Variants in MCPH1 observed in about 807,000 individuals in gnomAD.
MCPH1 encodes microcephalin.
Under a neutral mutation model 84.5 loss-of-function variants are expected in MCPH1, and 104 were observed. The ratio of observed to expected loss-of-function variants is 1.23; its 90% CI spans 1.05 to 1.45. The LOEUF (loss-of-function observed/expected upper bound fraction) is 1.45. Ranked by LOEUF, MCPH1 falls within the 40% of genes most tolerant of loss-of-function variation. The pLI is 0.00. For synonymous variants in MCPH1, 514 were observed against 366.8 expected (o/e 1.40, Z -4.58); for missense variants, 1,498 against 1,005.7 (o/e 1.49, Z -6.62).
At chr8:6,438,394 C>A (rs1193712717) in intron 5 of MCPH1, among the ~76,000 whole-genome samples, 2 of 152,044 alleles carry the variant, frequency 1.3e-5, no homozygotes, top group Non-Finnish European at 2.9e-5. Context: ...TATCAAAGTT[C>A]TGAAGGGCTC....
At chr8:6,425,617 C>A (rs958032084) in intron 3 of MCPH1, among the ~76,000 whole-genome samples, 1 of 152,218 alleles carries the variant, frequency 6.6e-6, no homozygotes, top group African/African-American at 2.4e-5. Flanking sequence ...CCCAAAGGAA[C>A]AGAACACATC....
intron 5 of MCPH1, among the ~76,000 whole-genome samples, chr8:6,436,806 A>C (rs919159187): frequency 1.3e-5 from 2 of 151,868 alleles, no homozygotes; most frequent in Non-Finnish European, 2.9e-5. Flanking sequence ...TGTCTCTACT[A>C]AAAATACAAA....
chr8:6,585,325 C>G (rs1248172403), intron 12 of MCPH1, among the ~76,000 whole-genome samples: 3 of 152,204 alleles, frequency 2.0e-5, no homozygotes, highest in Non-Finnish European at 4.4e-5. Flanking sequence ...CAGGAGTTTC[C>G]TGTTTGAATG....
At chr8:6,442,193 G>GT (rs1212299517) in intron 7 of MCPH1, 37 bp downstream of exon 7, 1 of 1,299,480 alleles carries the variant, frequency 7.7e-7, no homozygotes, top group Non-Finnish European at 1.1e-6. Context: ...ATATGTTTAA[G>GT]TTTTGAGAAT....
Position 6,477,594 on chromosome 8 carries a change from C to G in MCPH1, c.1936C>G (p.Pro646Ala), listed in dbSNP as rs778537115. 1.2e-6 allele frequency: 2 copies of G among 1,612,270 alleles called. No homozygotes were observed. The highest frequency in any genetic ancestry group is 1.7e-5 in the Admixed American group (1 of 59,984). ...GTTCCTTCTTGTTTGAAATCTCTAG[C>G]CAACAAGAACATTAGTCATGACAAG... ...ELKKSGRGKKPTRTLVMTSMP... is the reference protein window; with the variant it reads ...ELKKSGRGKKATRTLVMTSMP... The change falls in exon 10 of 14, where the codon CCA (proline) becomes GCA (alanine). Residue 646 changes from proline (P) to alanine (A), a missense_variant and splice_region_variant. Pro to Ala is a conservative substitution (Grantham distance 27, BLOSUM62 -1). Coordinates refer to ENST00000344683, the MANE Select transcript of MCPH1 (RefSeq NM_024596.5).
At position 6,445,433 on chromosome 8, in the gene MCPH1, T is replaced by G. The variant is rs376461737; in HGVS notation, c.1711T>G (p.Ser571Ala). 1.9e-6 allele frequency: 3 copies of G among 1,614,086 alleles called. No individual in the cohort carries two copies. Among genetic ancestry groups the G allele is most frequent in the Non-Finnish European group, 2.5e-6 (3 of 1,180,054 alleles). The part of the protein sequence containing the change: ...TQNKGTTSKI[S>A]NSSEGEAQSE... ...GAACAAAGGTACCACTTCCAAAATATCAAACTCCTCTGAAGGCGAAGCCCA... is the reference window on the plus strand; with the variant it reads ...GAACAAAGGTACCACTTCCAAAATAGCAAACTCCTCTGAAGGCGAAGCCCA... Residue 571 changes from serine to alanine, a missense_variant, in exon 8 of 14, where the codon TCA becomes GCA. Physicochemically the swap from Ser to Ala is moderately conservative, Grantham distance 99. Transcript: ENST00000344683.
intron 3 of MCPH1, among the ~76,000 whole-genome samples, chr8:6,417,917 T>A (rs1312377269): frequency 6.6e-6 from 1 of 152,248 alleles, no homozygotes; most frequent in Non-Finnish European, 1.5e-5. Context: ...TCTTTTCTAT[T>A]GTCGCAAAGA....
chr8:6,446,682 C>T (rs1453097407), intron 8 of MCPH1: 2 of 984,592 alleles, frequency 2.0e-6, no homozygotes, highest in East Asian at 2.3e-4. Flanking sequence ...TAAGAATATC[C>T]TGTTCTGAGG....
chr8:6,603,037 C>T (rs562108500), intron 12 of MCPH1, among the ~76,000 whole-genome samples: 3 of 151,958 alleles, frequency 2.0e-5, no homozygotes, highest in Non-Finnish European at 4.4e-5. Context: ...AGTCTCCTGA[C>T]GTCATTGCTT....
At chr8:6,626,619 T>G (rs1008440051) in intron 13 of MCPH1, 5 of 984,864 alleles carry the variant, frequency 5.1e-6, no homozygotes, top group Non-Finnish European at 6.0e-6. Flanking sequence ...ACATATTATA[T>G]TTGAAAGCAT....
chr8:6,635,443 A>C (rs1027708714), intron 13 of MCPH1: 1 of 152,152 alleles, frequency 6.6e-6, no homozygotes, highest in Non-Finnish European at 1.5e-5. Context: ...GAAAGAAAAA[A>C]AATTAGCCGG....
intron 3 of MCPH1, among the ~76,000 whole-genome samples, chr8:6,431,062 C>A (rs1801764199): frequency 6.6e-6 from 1 of 152,158 alleles, no homozygotes; most frequent in African/African-American, 2.4e-5. Flanking sequence ...GACAGAAACA[C>A]AAAAAGGACA....
At chr8:6,621,293 ATCT>A (rs1831385318) in intron 12 of MCPH1, 158 bp from the exon 13 acceptor site, 2 of 888,196 alleles carry the variant, frequency 2.3e-6, no homozygotes, top group East Asian at 2.6e-5. Flanking sequence ...TAATGTCATC[ATCT>A]TCTCTGGATT....
chr8:6,517,768 G>A (rs73199039), intron 12 of MCPH1, among the ~76,000 whole-genome samples: 11,963 of 152,146 alleles, frequency 0.079, 539 homozygotes, highest in African/African-American at 0.12. Context: ...TAAATGACTC[G>A]CCCAGAGCCA....
chr8:6,538,580 C>G (rs565104308), intron 12 of MCPH1, among the ~76,000 whole-genome samples: 4 of 152,330 alleles, frequency 2.6e-5, no homozygotes, highest in African/African-American at 4.8e-5. Context: ...GCCCAGCGGC[C>G]TCATACCACG....
Position 6,436,234 on chromosome 8 carries a change from G to C in MCPH1, c.436+72G>C, listed in dbSNP as rs979359712. The C allele has an allele frequency of 6.1e-6, 9 of 1,486,398 alleles. No homozygotes were observed. The African/African-American group carries it at 9.7e-5, about 16-fold the overall frequency. 92.1% of individuals were successfully genotyped at this position (1,486,398 alleles called of 1,614,324 possible). On this transcript the variant is annotated intron_variant, in intron 5 of 13. Coordinates refer to ENST00000344683, the MANE Select transcript of MCPH1 (RefSeq NM_024596.5). ...CCTTGTTTAATTTGCATGATGACTA[G>C]TGGGGTTCAGCATGAGAGAGCTGAT...
chr8:6,536,407 G>C (rs914829991), intron 12 of MCPH1, among the ~76,000 whole-genome samples: 1 of 75,212 alleles, frequency 1.3e-5, no homozygotes, highest in Admixed American at 1.3e-4. Context: ...AGCCTTTTAA[G>C]AGCCAAAGTG....
chr8:6,625,954 TAG>T, intron 13 of MCPH1: 3 of 985,132 alleles, frequency 3.0e-6, no homozygotes, highest in South Asian at 9.4e-5. Flanking sequence ...TTATTATTAT[TAG>T]TATTCTGTGG....
intron 12 of MCPH1, among the ~76,000 whole-genome samples, chr8:6,526,425 A>G (rs1818351471): frequency 6.6e-6 from 1 of 151,790 alleles, no homozygotes; most frequent in Non-Finnish European, 1.5e-5. Flanking sequence ...CCAGAGTGAG[A>G]CCCTGTCTCA....
Sources: gnomAD v4.1 joint callset for allele counts (sites outside exome capture counted in the v4.1 genomes callset) on GRCh38, gnomAD v4.1.1 for gene constraint, MANE v1.5 for transcripts, NCBI Gene and HGNC (gene_info 2026-07-23, HGNC 2026-07-21) for gene names.